The following CAMKK2 variants were observed in gnomAD, a reference collection of about 807,000 sequenced individuals.
CAMKK2 encodes calcium/calmodulin-dependent protein kinase kinase 2.
In CAMKK2, 30 loss-of-function variants were observed where a neutral mutation model predicts 67.2. The observed-to-expected ratio is 0.45, with a 90% CI of 0.33 to 0.61. The LOEUF (loss-of-function observed/expected upper bound fraction) is 0.61, where lower values mean the gene tolerates loss of function less well. CAMKK2 is among the 20% of genes least tolerant of loss of function. CAMKK2 has a pLI of 0.02. For synonymous variants in CAMKK2, 322 were observed against 326.2 expected, an observed-to-expected ratio of 0.99 and a Z score of 0.14; for missense variants, 643 against 802.0, an observed-to-expected ratio of 0.80 and a Z score of 2.39.
intron 1 of CAMKK2, among the ~76,000 whole-genome samples, chr12:121,293,032 T>C (rs1290408377): frequency 6.6e-6 from 1 of 151,406 alleles, no homozygotes; most frequent in Non-Finnish European, 1.5e-5. Flanking sequence ...TCCCAGCACT[T>C]TGGGAGGCCG....
intron 7 of CAMKK2, among the ~76,000 whole-genome samples, chr12:121,258,020 T>G (rs1192774416): frequency 1.5e-5 from 2 of 132,604 alleles, no homozygotes; most frequent in Non-Finnish European, 3.1e-5. Context: ...TCGAGTTTTC[T>G]ACTTTTTTTT....
At chr12:121,278,307 CA>C (rs1897157454) in intron 1 of CAMKK2, among the ~76,000 whole-genome samples, 1 of 152,246 alleles carries the variant, frequency 6.6e-6, no homozygotes, top group Admixed American at 6.5e-5. Flanking sequence ...TGAAGTTCAA[CA>C]GCTTAAGGTC....
At chr12:121,290,282 C>T (rs1367274042) in intron 1 of CAMKK2, among the ~76,000 whole-genome samples, 4 of 152,216 alleles carry the variant, frequency 2.6e-5, no homozygotes, top group African/African-American at 9.6e-5. Flanking sequence ...ACTCCACTCA[C>T]GGCCACAGGG....
Position 121,245,052 on chromosome 12 carries a change from G to T in CAMKK2, c.1553+88C>A. 1 of 874,238 alleles carries T rather than the reference G, an allele frequency of 1.1e-6. No homozygotes were observed. The allele number at this position is 874,238 out of a possible 1,614,324, so 54.2% of individuals were successfully genotyped here. ...CTCCAGATGGCACCACTTCAGGGAGGACCTGTGCAGAGTGGTCTGGGCAGG... is the reference window on the plus strand; with the variant it reads ...CTCCAGATGGCACCACTTCAGGGAGTACCTGTGCAGAGTGGTCTGGGCAGG... On this transcript the variant is annotated intron_variant, in intron 15 of 16. Coordinates refer to ENST00000404169, the MANE Select transcript of CAMKK2 (RefSeq NM_001270485.2). This position sits in a 1 kb window ranked among gnomAD's most constrained non-coding sequence, Gnocchi z 5.8.
In CAMKK2 at chr12:121,240,309, C is replaced by G. The variant is rs200160343; in HGVS notation, c.*390G>C. ...AACCACCTCCATGGCCTCAGACCGC[C>G]GGAGTTTTCTGCTCGCCTTTCCACA... is the stretch of plus-strand genomic sequence containing the variant. On this transcript the variant is annotated 3_prime_UTR_variant, in exon 17 of 17. Coordinates refer to ENST00000404169, the MANE Select transcript of CAMKK2 (RefSeq NM_001270485.2). The surrounding 1 kb of genome is among the most constrained non-coding windows in gnomAD (Gnocchi z 4.4). 20 of 871,830 alleles carry G rather than the reference C, an allele frequency of 2.3e-5. No individual in the cohort carries two copies. In the South Asian group the frequency reaches 3.6e-4, roughly 16 times the overall value. The allele number at this position is 871,830 out of a possible 1,614,324, so 54.0% of individuals were successfully genotyped here.
At chr12:121,258,842 A>AT (rs63519464) in intron 7 of CAMKK2, among the ~76,000 whole-genome samples, 2,223 of 129,550 alleles carry the variant, frequency 0.017, 27 homozygotes, top group South Asian at 0.029. Flanking sequence ...GTCAAAGCCA[A>AT]TTTTTTTTTT....
chr12:121,244,915 T>C (rs989710135), intron 15 of CAMKK2, among the ~76,000 whole-genome samples: 2 of 152,216 alleles, frequency 1.3e-5, no homozygotes, highest in Admixed American at 6.5e-5. Flanking sequence ...ACAGTGCAAG[T>C]TCCCGAGAAA....
rs939289780 is a variant in CAMKK2 at position 121,238,395 on chromosome 12, G to A, written c.*2304C>T. ...TGGGCGTCCTCTTTGCCCACTGGAA[G>A]AGCTGCTCATAACAGCACCTCCTTT... On this transcript the variant is annotated 3_prime_UTR_variant, in exon 17 of 17. Coordinates refer to ENST00000404169, the MANE Select transcript of CAMKK2 (RefSeq NM_001270485.2). The A allele has an allele frequency of 6.6e-6, 1 of 152,576 alleles. No individual in the cohort carries two copies. The highest frequency in any genetic ancestry group is 1.5e-5 in the Non-Finnish European group (1 of 68,062). 9.5% of individuals were successfully genotyped at this position (152,576 alleles called of 1,614,324 possible).
At position 121,245,153 on chromosome 12, in the gene CAMKK2, C is replaced by T; in HGVS notation, c.1540G>A (p.Gly514Arg). The change falls in exon 15 of 17, where the codon GGA becomes AGA. Residue 514 changes from glycine to arginine, a missense_variant. Transcript: ENST00000404169. The surrounding 1 kb of genome is among the most constrained non-coding windows in gnomAD (Gnocchi z 5.8). Reference protein sequence around the residue: ...RREERSLSAPGNLLTKKPTRE... With the variant: ...RREERSLSAPRNLLTKKPTRE... ...GCGGCCACTCACGTGAGCAAGTTTC[C>T]AGGCGCTGACAGTGAGCGTTCCTCC... is the stretch of plus-strand genomic sequence containing the variant. 1 of 1,601,896 alleles carries T rather than the reference C, an allele frequency of 6.2e-7. No individual in the cohort carries two copies. The highest frequency in any genetic ancestry group is 8.5e-7 in the Non-Finnish European group (1 of 1,173,554).
chr12:121,282,245 G>A (rs2136537668), intron 1 of CAMKK2, among the ~76,000 whole-genome samples: 1 of 152,194 alleles, frequency 6.6e-6, no homozygotes, highest in Non-Finnish European at 1.5e-5. Context: ...CCGGGAGCAG[G>A]AACAAAGTGG....
chr12:121,288,522 C>T (rs533830314), intron 1 of CAMKK2, among the ~76,000 whole-genome samples: 1 of 152,306 alleles, frequency 6.6e-6, no homozygotes, highest in South Asian at 2.1e-4. Context: ...GAAGGCAATA[C>T]CCCAAAGCAC....
chr12:121,297,808 G>A (rs982470343), upstream of CAMKK2: 3 of 448,928 alleles, frequency 6.7e-6, no homozygotes, highest in Admixed American at 7.1e-5. Context: ...TTTCTAGGCC[G>A]TAGGGACACT....
intron 1 of CAMKK2, among the ~76,000 whole-genome samples, chr12:121,294,224 C>A (rs868580665): frequency 6.6e-6 from 1 of 152,046 alleles, no homozygotes; most frequent in South Asian, 2.1e-4. Flanking sequence ...TGAGCCACCA[C>A]GCCCAGCCAG....
rs1898484992 is a variant in CAMKK2 at position 121,285,132 on chromosome 12, A to C, written c.-59-10547T>G. Among the ~76,000 whole-genome samples, 1 of 152,194 alleles carries C rather than the reference A, an allele frequency of 6.6e-6. No individual in the cohort carries two copies. The highest frequency in any genetic ancestry group is 1.5e-5 in the Non-Finnish European group (1 of 68,028). On this transcript the variant is annotated intron_variant, in intron 1 of 16. Coordinates refer to ENST00000404169, the MANE Select transcript of CAMKK2 (RefSeq NM_001270485.2). The surrounding 1 kb of genome is among the most constrained non-coding windows in gnomAD (Gnocchi z 4.1). ...GTGGCCCTACAGGGCTGACCCCACC[A>C]TCAGCTTCAGAGATTTGCATGTGAC...
rs1310112012 is a variant in CAMKK2, at chr12:121,240,827, G to T, written c.1639C>A (p.Pro547Thr). 1.9e-6 allele frequency: 3 copies of T among 1,612,372 alleles called. No homozygotes were observed. Among genetic ancestry groups the T allele is most frequent in the Non-Finnish European group, 2.5e-6 (3 of 1,179,854 alleles). Residue 547 changes from proline (P) to threonine (T), a missense_variant, in exon 17 of 17, where the codon CCC becomes ACC. Physicochemically the swap from Pro to Thr is conservative, Grantham distance 38. Transcript: ENST00000404169. The surrounding 1 kb of genome is among the most constrained non-coding windows in gnomAD (Gnocchi z 4.4). Reference protein sequence around the residue: ...RRQPPGHRPAPRGGGGSALVR... With the variant: ...RRQPPGHRPATRGGGGSALVR... ...AGAGCACTTCCTCCTCCCCCACGGG[G>T]GGCGGGTCGGTGCCCTGGAGGTTGT...
intron 6 of CAMKK2, 39 bp downstream of exon 6, chr12:121,263,767 C>T: frequency 6.4e-7 from 1 of 1,564,030 alleles, no homozygotes; most frequent in Non-Finnish European, 8.7e-7. Flanking sequence ...TTAACAAAGC[C>T]AGGGCCTCCC....
At chr12:121,283,066 T>C (rs565287334) in intron 1 of CAMKK2, among the ~76,000 whole-genome samples, 1 of 152,130 alleles carries the variant, frequency 6.6e-6, no homozygotes, top group Non-Finnish European at 1.5e-5. Flanking sequence ...AATATCTCTG[T>C]TCTTTAAGCC....
At chr12:121,268,749 G>A in intron 4 of CAMKK2, 60 bp from the exon 5 acceptor site, 1 of 1,521,752 alleles carries the variant, frequency 6.6e-7, no homozygotes, top group Non-Finnish European at 9.1e-7. Context: ...GGGAGGAAAA[G>A]GGGAAGGAGG....
chr12:121,268,757 AG>A, intron 4 of CAMKK2, 68 bp from the exon 5 acceptor site: 1 of 1,494,878 alleles, frequency 6.7e-7, no homozygotes. Flanking sequence ...AAGGGGAAGG[AG>A]GGCGCAGTCG....
Sources: allele counts gnomAD v4.1 joint callset (sites outside exome capture counted in the v4.1 genomes callset), GRCh38; gene constraint gnomAD v4.1.1; non-coding constraint Gnocchi (gnomAD v3.1); transcripts MANE v1.5; gene names NCBI Gene and HGNC (gene_info 2026-07-23, HGNC 2026-07-21).